Variants in ADAMTS19 observed in about 807,000 individuals in gnomAD.
ADAMTS19 encodes A disintegrin and metalloproteinase with thrombospondin motifs 19.
ADAMTS19 carries 93 observed loss-of-function variants against 153.3 expected under a neutral mutation model. The ratio of observed to expected loss-of-function variants is 0.61; its 90% CI spans 0.51 to 0.72. ADAMTS19 has a LOEUF of 0.72. Ranked by LOEUF, ADAMTS19 falls within the 30% of genes least tolerant of loss-of-function variation. The probability of loss-of-function intolerance (pLI) is 0.00; values close to 1 mark genes in which losing one functional copy is unlikely to be tolerated. For synonymous variants in ADAMTS19, 600 were observed against 556.6 expected, an observed-to-expected ratio of 1.08 and a Z score of -1.10; for missense variants, 1,482 against 1,552.1, an observed-to-expected ratio of 0.95 and a Z score of 0.76.
chr5:129,524,659 C>T (rs1484717709), intron 3 of ADAMTS19, among the ~76,000 whole-genome samples: 3 of 151,082 alleles, frequency 2.0e-5, no homozygotes, highest in African/African-American at 7.3e-5. Flanking sequence ...ACAGACACTT[C>T]TCAAAAGAAG....
chr5:129,535,317 T>C (rs1752374931), intron 6 of ADAMTS19, among the ~76,000 whole-genome samples: 1 of 152,064 alleles, frequency 6.6e-6, no homozygotes, highest in Non-Finnish European at 1.5e-5. Context: ...ACAATTGGCT[T>C]GAAAGAGAAT....
intron 13 of ADAMTS19, among the ~76,000 whole-genome samples, chr5:129,652,536 G>A (rs972557298): frequency 6.6e-6 from 1 of 152,214 alleles, no homozygotes; most frequent in Non-Finnish European, 1.5e-5. Context: ...AATCAAGACA[G>A]AACCTGCCTG....
intron 19 of ADAMTS19, among the ~76,000 whole-genome samples, chr5:129,696,206 T>C (rs751795768): frequency 6.6e-6 from 1 of 152,076 alleles, no homozygotes; most frequent in Admixed American, 6.6e-5. Flanking sequence ...TCACCTGAGA[T>C]CGGAAGTTTG....
chr5:129,515,103 A>G (rs1291029382), intron 3 of ADAMTS19, among the ~76,000 whole-genome samples: 1 of 151,896 alleles, frequency 6.6e-6, no homozygotes, highest in Non-Finnish European at 1.5e-5. Context: ...CACTGTAGGT[A>G]TGTGGATTTG....
chr5:129,691,861 T>G (rs530626728), intron 18 of ADAMTS19, among the ~76,000 whole-genome samples: 1 of 152,322 alleles, frequency 6.6e-6, no homozygotes, highest in South Asian at 2.1e-4. Flanking sequence ...TCTCAGTACG[T>G]AAGCAGTAGG....
intron 6 of ADAMTS19, among the ~76,000 whole-genome samples, chr5:129,535,499 G>C (rs368690005): frequency 6.6e-6 from 1 of 152,012 alleles, no homozygotes; most frequent in African/African-American, 2.4e-5. Flanking sequence ...AGGTAATTTA[G>C]AGATTCAATG....
rs73785266 is a variant in ADAMTS19, at chr5:129,727,738, A to G, written c.3313-7194A>G. Among the ~76,000 whole-genome samples, 616 of 152,262 alleles carry G rather than the reference A, an allele frequency of 4.0e-3. 3 individuals are homozygous for G. Among genetic ancestry groups the G allele is most frequent in the African/African-American group, 0.014 (587 of 41,576 alleles). On this transcript the variant is annotated intron_variant, in intron 21 of 22. Transcript: ENST00000274487. ...CTTCATGTGAGATATTAAAATAAAT[A>G]TAAGCTTTAACAAAGTGCCTGGCAT...
At chr5:129,495,131 CTAT>C (rs1368525000) in intron 2 of ADAMTS19, among the ~76,000 whole-genome samples, 2 of 151,882 alleles carry the variant, frequency 1.3e-5, no homozygotes, top group African/African-American at 4.8e-5. Flanking sequence ...TGTGAGCACT[CTAT>C]TATTGTACAT....
chr5:129,629,144 C>G (rs1026462306), intron 10 of ADAMTS19, among the ~76,000 whole-genome samples: 4 of 152,094 alleles, frequency 2.6e-5, no homozygotes, highest in Non-Finnish European at 5.9e-5. Context: ...GTATCTCTAG[C>G]ACCCAAATAA....
At chr5:129,705,145 TACTG>T (rs71877734) in intron 21 of ADAMTS19, among the ~76,000 whole-genome samples, 85,435 of 151,462 alleles carry the variant, frequency 0.56, 24,954 homozygotes, top group Non-Finnish European at 0.65. Context: ...TGATATTATA[TACTG>T]ACTATCATGA....
At chr5:129,492,574 T>C (rs1434343326) in intron 2 of ADAMTS19, among the ~76,000 whole-genome samples, 1 of 151,780 alleles carries the variant, frequency 6.6e-6, no homozygotes, top group Admixed American at 6.6e-5. Flanking sequence ...TGTGTGTATG[T>C]AATGAAAATA....
intron 13 of ADAMTS19, among the ~76,000 whole-genome samples, chr5:129,649,694 G>A (rs1753230155): frequency 6.6e-6 from 1 of 152,144 alleles, no homozygotes; most frequent in Non-Finnish European, 1.5e-5. Context: ...ATGGCGTACA[G>A]CTATACACAC....
At chr5:129,568,533 A>G (rs1228693766) in intron 7 of ADAMTS19, among the ~76,000 whole-genome samples, 3 of 152,254 alleles carry the variant, frequency 2.0e-5, no homozygotes, top group East Asian at 3.9e-4. Flanking sequence ...AAAACACAAT[A>G]AATACACTGG....
At chr5:129,560,739 T>C (rs1753480233) in intron 7 of ADAMTS19, among the ~76,000 whole-genome samples, 1 of 152,264 alleles carries the variant, frequency 6.6e-6, no homozygotes, top group Admixed American at 6.5e-5. Flanking sequence ...TACATACATA[T>C]GTTTATACAT....
At position 129,680,775 on chromosome 5, in the gene ADAMTS19, AC is replaced by A. The variant is rs1196642394; in HGVS notation, c.2664+855del. 9.1e-5 allele frequency among the ~76,000 whole-genome samples: 10 copies of A among 110,142 alleles called. No individual in the cohort carries two copies. The East Asian group carries it at 1.5e-3, about 17-fold the overall frequency. 72.3% of individuals were successfully genotyped at this position (110,142 alleles called of 152,430 possible). On this transcript the variant is annotated intron_variant, in intron 17 of 22. Transcript: ENST00000274487. Reference sequence around the variant, plus strand: ...AGACTCTGTCTCAAAAAAAAAAAAAACAAAAAAAAAAACTGGATATAAGTGG... The same window carrying A: ...AGACTCTGTCTCAAAAAAAAAAAAAAAAAAAAAAAAACTGGATATAAGTGG...
chr5:129,483,109 C>G (rs1233009051), intron 2 of ADAMTS19, among the ~76,000 whole-genome samples: 5 of 152,032 alleles, frequency 3.3e-5, no homozygotes, highest in Non-Finnish European at 7.4e-5. Flanking sequence ...TCTCTGTGAC[C>G]TAGAGATCAT....
At chr5:129,578,981 G>A (rs1012844623) in intron 7 of ADAMTS19, among the ~76,000 whole-genome samples, 4 of 152,134 alleles carry the variant, frequency 2.6e-5, no homozygotes, top group Non-Finnish European at 5.9e-5. Flanking sequence ...TGGGTCAATT[G>A]GTATTTCTGG....
chr5:129,526,345 C>G lies in ADAMTS19; in HGVS notation c.975C>G (p.Tyr325Ter), dbSNP rs1247698148. ...GTGGAAGAGGGAAACGATATTCATA[C>G]AAATTACCTCAAGAATACAACATAG... ...AESGRGKRYS[Y>*]KLPQEYNIET... The change falls in exon 4 of 23, where the codon TAC becomes TAG. Residue 325 changes from tyrosine (Y) to a stop codon, truncating the protein, a stop_gained. Transcript: ENST00000274487. LOFTEE classifies it high-confidence loss of function. The G allele has an allele frequency of 6.2e-7, 1 of 1,600,404 alleles. No homozygotes were observed. The highest frequency in any genetic ancestry group is 8.5e-7 in the Non-Finnish European group (1 of 1,174,410).
At chr5:129,697,980 T>C (rs1561655526) in intron 19 of ADAMTS19, among the ~76,000 whole-genome samples, 1 of 152,226 alleles carries the variant, frequency 6.6e-6, no homozygotes, top group Non-Finnish European at 1.5e-5. Context: ...ATGTTTGTTG[T>C]TTCCCAAGTT....
Sources: gnomAD v4.1 joint callset for allele counts (sites outside exome capture counted in the v4.1 genomes callset) on GRCh38, gnomAD v4.1.1 for gene constraint, MANE v1.5 for transcripts, NCBI Gene and HGNC (gene_info 2026-07-23, HGNC 2026-07-21) for gene names.